NELFB: variants seen among roughly 807,000 people sequenced by gnomAD.
NELFB encodes the protein negative elongation factor complex member B.
Under a neutral mutation model 60.2 loss-of-function variants are expected in NELFB, and 34 were observed. The ratio of observed to expected loss-of-function variants is 0.56; its 90% CI spans 0.43 to 0.75. The LOEUF is 0.75. Among genes scored for constraint, NELFB ranks in the 30% least tolerant of loss-of-function variants. NELFB has a pLI of 0.00. For synonymous variants in NELFB, 459 were observed against 382.1 expected (o/e 1.20, Z -2.35); for missense variants, 770 against 831.6 (o/e 0.93, Z 0.91).
intron 4 of NELFB, among the ~76,000 whole-genome samples, chr9:137,257,326 C>T (rs1225203686): frequency 6.6e-6 from 1 of 152,212 alleles, no homozygotes; most frequent in Non-Finnish European, 1.5e-5. Context: ...CCCCCCTCCC[C>T]TACTTTTTTT....
At chr9:137,265,390 T>TTTTTTTC (rs1488577980) in intron 6 of NELFB, among the ~76,000 whole-genome samples, 2 of 127,562 alleles carry the variant, frequency 1.6e-5, no homozygotes, top group African/African-American at 2.9e-5. Flanking sequence ...CCTTAAGCTT[T>TTTTTTTC]TTTTTTTTTT....
intron 4 of NELFB, among the ~76,000 whole-genome samples, chr9:137,261,030 C>T (rs1325259209): frequency 1.4e-5 from 2 of 146,966 alleles, no homozygotes; most frequent in African/African-American, 2.5e-5. Flanking sequence ...CTGTACTAGG[C>T]GACAGAGTGA....
At position 137,256,326 on chromosome 9, in the gene NELFB, C is replaced by G. The variant is rs1053605710; in HGVS notation, c.411-3C>G. On this transcript the variant is annotated splice_region_variant and splice_polypyrimidine_tract_variant and intron_variant, in intron 2 of 12. Transcript: ENST00000343053. ...GCACCATCAATCCTGTGAGTTGTTC[C>G]AGGTACAAGAAGCTGGAAGACCTTC... 6.2e-7 allele frequency: 1 copy of G among 1,613,372 alleles called. No individual in the cohort carries two copies. The highest frequency in any genetic ancestry group is 1.3e-5 in the African/African-American group (1 of 74,922).
intron 1 of NELFB, 54 bp downstream of exon 1, chr9:137,255,665 T>G (rs1266729856): frequency 3.3e-6 from 5 of 1,502,822 alleles, no homozygotes; most frequent in Non-Finnish European, 4.5e-6. Flanking sequence ...GGCCGCCTGC[T>G]CGGGAGTCGG....
rs150365696 is a variant in NELFB, at chr9:137,255,996, G to A, written c.336G>A (p.Ser112=). Residue 112 remains serine (S), a synonymous_variant, in exon 2 of 13, where the codon TCG becomes TCA. Transcript: ENST00000343053. Reference sequence around the variant, plus strand: ...CGCCGCGGCTGGAGTTCCACCAGTCGGTATTCGATGAGCTGCGGGACAAGC... The same window carrying A: ...CGCCGCGGCTGGAGTTCCACCAGTCAGTATTCGATGAGCTGCGGGACAAGC... 1.2e-6 allele frequency: 2 copies of A among 1,613,808 alleles called. No homozygotes were observed. The highest frequency in any genetic ancestry group is 1.7e-6 in the Non-Finnish European group (2 of 1,180,028).
intron 6 of NELFB, 25 bp downstream of exon 6, chr9:137,264,382 C>T (rs1329913213): frequency 2.0e-6 from 3 of 1,535,692 alleles, no homozygotes; most frequent in African/African-American, 1.4e-5. Flanking sequence ...CACGAGGCCT[C>T]TGCCCCTCAG....
chr9:137,268,603 G>C (rs1410757620), intron 10 of NELFB, among the ~76,000 whole-genome samples: 4 of 152,108 alleles, frequency 2.6e-5, no homozygotes, highest in African/African-American at 9.7e-5. Flanking sequence ...CAAAGAGCAG[G>C]GACTTCTCCC....
chr9:137,272,637 A>T, intron 12 of NELFB, 22 bp downstream of exon 12: 2 of 1,565,590 alleles, frequency 1.3e-6, no homozygotes, highest in Non-Finnish European at 1.7e-6. Flanking sequence ...GGGGGGCTGC[A>T]TCTGAAGGCA....
chr9:137,268,031 G>C (rs944286804), intron 10 of NELFB, among the ~76,000 whole-genome samples: 1 of 152,164 alleles, frequency 6.6e-6, no homozygotes, highest in South Asian at 2.1e-4. Flanking sequence ...GGGCCTTGAC[G>C]GGGGAGGGGT....
At chr9:137,264,048 C>T (rs1468903275) in intron 5 of NELFB, among the ~76,000 whole-genome samples, 197 bp from the exon 6 acceptor site, 1 of 152,220 alleles carries the variant, frequency 6.6e-6, no homozygotes, top group Non-Finnish European at 1.5e-5. Context: ...TCACTTTCTC[C>T]ACCACTGTCC....
At chr9:137,266,072 G>A in intron 7 of NELFB, 93 bp downstream of exon 7, 3 of 1,032,498 alleles carry the variant, frequency 2.9e-6, no homozygotes, top group East Asian at 2.6e-5. Flanking sequence ...GCGGCCAGGT[G>A]GAGGCAGCTG....
At chr9:137,256,605 C>G (rs554794154) in intron 3 of NELFB, among the ~76,000 whole-genome samples, 177 bp downstream of exon 3, 1 of 152,340 alleles carries the variant, frequency 6.6e-6, no homozygotes, top group East Asian at 1.9e-4. Context: ...GAGACCGAAC[C>G]TTAGCACTGG....
At position 137,273,199 on chromosome 9, in the gene NELFB, G is replaced by C. The variant is rs751351563; in HGVS notation, c.*271G>C. Reference sequence around the variant, plus strand: ...CTCATTTTCTGTTTTCCTGTGTTAGGAAAAAACCACCTGTTTTCCAAGGGG... The same window carrying C: ...CTCATTTTCTGTTTTCCTGTGTTAGCAAAAAACCACCTGTTTTCCAAGGGG... On this transcript the variant is annotated 3_prime_UTR_variant, in exon 13 of 13. Coordinates refer to ENST00000343053, the MANE Select transcript of NELFB (RefSeq NM_015456.5). 110 of 243,980 alleles carry C rather than the reference G, an allele frequency of 4.5e-4. No individual in the cohort carries two copies. Among genetic ancestry groups the C allele is most frequent in the Non-Finnish European group, 6.6e-4 (84 of 126,726 alleles). The allele number at this position is 243,980 out of a possible 1,614,324, so 15.1% of individuals were successfully genotyped here. A position where few individuals can be genotyped will look rare whatever the true frequency, so the allele number is the denominator to read the frequency against.
rs370010361 is a variant in NELFB, at chr9:137,267,101, G to A, written c.1382+15G>A. 38 of 1,613,744 alleles carry A rather than the reference G, an allele frequency of 2.4e-5. No homozygotes were observed. The highest frequency in any genetic ancestry group is 2.1e-5 in the Non-Finnish European group (25 of 1,179,984). On this transcript the variant is annotated intron_variant, in intron 9 of 12. Transcript: ENST00000343053. ...AGCTTCACTAAGTACGGGCTGTAGG[G>A]CCATGGTGCAGGGGTGGCCGTGGCG...
At position 137,272,194 on chromosome 9, in the gene NELFB, G is replaced by A. The variant is rs375407997; in HGVS notation, c.1603G>A (p.Asp535Asn). Residue 535 changes from aspartate (D) to asparagine (N), a missense_variant, in exon 11 of 13, where the codon GAT becomes AAT. Asp to Asn is a conservative substitution (Grantham distance 23, BLOSUM62 1). Coordinates refer to ENST00000343053, the MANE Select transcript of NELFB (RefSeq NM_015456.5). The stretch of plus-strand genomic sequence containing the variant: ...TGAGGACTTCTGCAGCAGCCTCTTC[G>A]ATGGCTTCTTCCTCACCGCCTCTCC... The A allele has an allele frequency of 1.7e-5, 28 of 1,614,010 alleles. No individual in the cohort carries two copies. The highest frequency in any genetic ancestry group is 2.7e-5 in the African/African-American group (2 of 74,946).
At chr9:137,260,448 G>C (rs1199623271) in intron 4 of NELFB, among the ~76,000 whole-genome samples, 1 of 115,692 alleles carries the variant, frequency 8.6e-6, no homozygotes, top group Non-Finnish European at 1.8e-5. Flanking sequence ...TTTTATTTTA[G>C]TTTGTTTTAT....
chr9:137,258,839 A>C (rs993224334), intron 4 of NELFB, among the ~76,000 whole-genome samples: 1 of 152,176 alleles, frequency 6.6e-6, no homozygotes, highest in Non-Finnish European at 1.5e-5. Context: ...AGAAAAAAAA[A>C]TGAGATCAAC....
intron 4 of NELFB, among the ~76,000 whole-genome samples, chr9:137,262,443 C>T (rs912866145): frequency 8.5e-5 from 13 of 152,212 alleles, no homozygotes; most frequent in African/African-American, 2.4e-4. Context: ...CTGGTCACAC[C>T]TCACTATGTC....
chr9:137,270,111 T>G (rs1432327384), intron 10 of NELFB, among the ~76,000 whole-genome samples: 1 of 152,012 alleles, frequency 6.6e-6, no homozygotes, highest in East Asian at 1.9e-4. Flanking sequence ...CAGCACGATG[T>G]CTGGGTGTAA....
Sources: allele counts gnomAD v4.1 joint callset (sites outside exome capture counted in the v4.1 genomes callset), GRCh38; gene constraint gnomAD v4.1.1; transcripts MANE v1.5; gene names NCBI Gene and HGNC (gene_info 2026-07-23, HGNC 2026-07-21).